The following RELN variants were observed in gnomAD, a reference collection of about 807,000 sequenced individuals.
RELN encodes the protein reelin.
A neutral mutation model predicts 427.6 loss-of-function variants in RELN; 108 were observed. The observed-to-expected ratio is 0.25, with a 90% CI of 0.22 to 0.30. RELN has a LOEUF of 0.30. RELN is among the 10% of genes least tolerant of loss of function. The pLI, the probability that RELN is intolerant of heterozygous loss-of-function variation, is 1.00. For missense variants in RELN, 3,715 were observed against 4,302.8 expected (o/e 0.86, Z 3.82); for synonymous variants, 1,524 against 1,513.4 (o/e 1.01, Z -0.16).
intron 20 of RELN, among the ~76,000 whole-genome samples, chr7:103,619,829 C>T (rs1832175160): frequency 6.6e-6 from 1 of 151,958 alleles, no homozygotes; most frequent in African/African-American, 2.4e-5. Context: ...TCTTGTGGTG[C>T]CCGCCCATCT....
intron 1 of RELN, among the ~76,000 whole-genome samples, chr7:103,965,285 T>A (rs1350692934): frequency 6.6e-6 from 1 of 152,186 alleles, no homozygotes; most frequent in Non-Finnish European, 1.5e-5. Flanking sequence ...GTGCATCAAA[T>A]AAATGTTATA....
chr7:103,734,087 A>G (rs896442375), intron 6 of RELN, among the ~76,000 whole-genome samples: 3 of 152,148 alleles, frequency 2.0e-5, no homozygotes, highest in Non-Finnish European at 4.4e-5. Context: ...GCAAAACAAA[A>G]ACAAAAACAA....
intron 59 of RELN, 133 bp from the exon 60 acceptor site, chr7:103,490,032 C>T (rs1828595683): frequency 2.0e-6 from 2 of 1,004,226 alleles, no homozygotes; most frequent in Non-Finnish European, 3.0e-6. Context: ...AAGCACCCTG[C>T]TGGCAGAGGT....
Position 103,698,021 on chromosome 7 carries a change from T to C in RELN, c.975A>G (p.Gln325=), listed in dbSNP as rs147568145. ...GAAGATTTTCCTGCTTCCACTGAAA[T>C]TGGACATTCTCCCCTTTGGCGTCCT... The part of the protein sequence containing the change: ...LPEDAKGENV[Q]FQWKQENLRV... Residue 325 remains glutamine (Q), a synonymous_variant, in exon 10 of 65, where the codon CAA becomes CAG. Transcript: ENST00000428762. The C allele has an allele frequency of 6.1e-5, 99 of 1,613,716 alleles. No individual in the cohort carries two copies. Among genetic ancestry groups the C allele is most frequent in the Non-Finnish European group, 7.1e-5 (84 of 1,179,852 alleles).
At chr7:103,502,594 A>C (rs1049573446) in intron 52 of RELN, among the ~76,000 whole-genome samples, 5 of 152,202 alleles carry the variant, frequency 3.3e-5, no homozygotes, top group African/African-American at 1.2e-4. Context: ...CAGTGGTAGA[A>C]ATAGCATGAT....
intron 50 of RELN, 46 bp from the exon 51 acceptor site, chr7:103,511,051 T>C (rs1399662600): frequency 6.9e-7 from 1 of 1,459,280 alleles, no homozygotes; most frequent in Non-Finnish European, 9.6e-7. Flanking sequence ...GTGACAAAAA[T>C]ACTTGAAGCA....
intron 3 of RELN, among the ~76,000 whole-genome samples, chr7:103,796,679 G>C (rs1792306075): frequency 1.3e-5 from 2 of 152,092 alleles, no homozygotes; most frequent in African/African-American, 2.4e-5. Context: ...TGGCCAACAT[G>C]CCAAAAACCT....
chr7:103,822,574 A>G (rs1413270403), intron 3 of RELN, among the ~76,000 whole-genome samples: 2 of 151,984 alleles, frequency 1.3e-5, no homozygotes, highest in East Asian at 3.8e-4. Context: ...GCATTTTTCC[A>G]CTCATGTAAG....
intron 60 of RELN, among the ~76,000 whole-genome samples, chr7:103,487,640 G>A (rs1306089423): frequency 6.6e-6 from 1 of 152,164 alleles, no homozygotes; most frequent in African/African-American, 2.4e-5. Context: ...AAATACCACA[G>A]CATCTGGCTG....
At position 103,523,504 on chromosome 7, in the gene RELN, A is replaced by T; in HGVS notation, c.7377T>A (p.His2459Gln). 1 of 1,614,088 alleles carries T rather than the reference A, an allele frequency of 6.2e-7. No individual in the cohort carries two copies. The highest frequency in any genetic ancestry group is 8.5e-7 in the Non-Finnish European group (1 of 1,180,016). ...GCTGCTTGTCAAAAGGAGCTGGTTG[A>T]TGCCAACGGAAACGAGTGGCTTGGG... Reference protein sequence around the residue: ...TRSQATRFRWHQPAPFDKQQT... With the variant: ...TRSQATRFRWQQPAPFDKQQT... Residue 2459 changes from histidine (H) to glutamine (Q), a missense_variant, in exon 47 of 65, where the codon CAT (histidine) becomes CAA (glutamine). Coordinates refer to ENST00000428762, the MANE Select transcript of RELN (RefSeq NM_005045.4).
chr7:103,894,179 G>T (rs2116599775), intron 2 of RELN, among the ~76,000 whole-genome samples: 1 of 152,146 alleles, frequency 6.6e-6, no homozygotes, highest in South Asian at 2.1e-4. Context: ...TGAAACCAGA[G>T]TTTTACCACA....
chr7:103,663,368 G>A (rs894666776), intron 11 of RELN, among the ~76,000 whole-genome samples: 2 of 152,080 alleles, frequency 1.3e-5, no homozygotes, highest in African/African-American at 2.4e-5. Flanking sequence ...GAGCGATGGC[G>A]GGATTAAGGG....
chr7:103,559,671 C>T (rs1431847116), intron 36 of RELN, among the ~76,000 whole-genome samples: 1 of 152,108 alleles, frequency 6.6e-6, no homozygotes, highest in Non-Finnish European at 1.5e-5. Flanking sequence ...AACTCCTGGC[C>T]TCAAATGATC....
intron 2 of RELN, among the ~76,000 whole-genome samples, chr7:103,864,894 ACTATTAT>A (rs1794158109): frequency 6.6e-6 from 1 of 151,994 alleles, no homozygotes; most frequent in Non-Finnish European, 1.5e-5. Flanking sequence ...ACGGTAAGAG[ACTATTAT>A]GAACAATTAT....
At chr7:103,763,444 A>G (rs1245759998) in intron 4 of RELN, among the ~76,000 whole-genome samples, 4 of 152,238 alleles carry the variant, frequency 2.6e-5, no homozygotes, top group Non-Finnish European at 5.9e-5. Context: ...GTAGTATAAA[A>G]TACATTTAGA....
chr7:103,773,800 C>T (rs1321923623), intron 4 of RELN, among the ~76,000 whole-genome samples: 1 of 152,014 alleles, frequency 6.6e-6, no homozygotes, highest in Non-Finnish European at 1.5e-5. Context: ...CCTCACTACC[C>T]ATTCAGGTCT....
chr7:103,938,220 C>G (rs926961191), intron 1 of RELN, among the ~76,000 whole-genome samples: 1 of 151,964 alleles, frequency 6.6e-6, no homozygotes, highest in South Asian at 2.1e-4. Flanking sequence ...ACTCAAGAGG[C>G]TGAGGAGGAG....
intron 9 of RELN, among the ~76,000 whole-genome samples, chr7:103,700,045 T>C (rs1374381501): frequency 1.3e-5 from 2 of 152,028 alleles, no homozygotes; most frequent in Non-Finnish European, 2.9e-5. Context: ...TAAATAATAG[T>C]TATTTTAATA....
chr7:103,646,843 T>G (rs1440972096), intron 16 of RELN, among the ~76,000 whole-genome samples: 2 of 152,050 alleles, frequency 1.3e-5, no homozygotes, highest in Non-Finnish European at 2.9e-5. Context: ...TCAATATCCC[T>G]TATGAACATA....
Sources: allele counts gnomAD v4.1 joint callset (sites outside exome capture counted in the v4.1 genomes callset), GRCh38; gene constraint gnomAD v4.1.1; transcripts MANE v1.5; gene names NCBI Gene and HGNC (gene_info 2026-07-23, HGNC 2026-07-21).